The following TMTC4 variants were observed in gnomAD, a reference collection of about 807,000 sequenced individuals.
The protein encoded by TMTC4 is transmembrane O-mannosyltransferase targeting cadherins 4.
In TMTC4, 65 loss-of-function variants were observed where a neutral mutation model predicts 86.0. That is an observed-to-expected ratio of 0.76 (90% CI 0.62 to 0.93). The LOEUF is 0.93. Ranked by LOEUF, TMTC4 falls within the 40% of genes least tolerant of loss-of-function variation. TMTC4 has a pLI of 0.00. For synonymous variants in TMTC4, 379 were observed against 382.5 expected (o/e 0.99, Z 0.11); for missense variants, 866 against 948.1 (o/e 0.91, Z 1.14).
At chr13:100,653,876 G>C (rs1254047238) in intron 6 of TMTC4, among the ~76,000 whole-genome samples, 1 of 152,196 alleles carries the variant, frequency 6.6e-6, no homozygotes. Context: ...ATCAGTTTCA[G>C]GGTCAAGACA....
rs377347768 is a variant in TMTC4, at chr13:100,663,146, C to T, written c.370G>A (p.Val124Met). ...NYYLSGGFHP[V>M]GFHVVNILLH... ...AGGATGTTGACCACGTGAAAGCCCA[C>T]GGGGTGGAAGCCTCCCGAGAGGTAG... The change falls in exon 5 of 19, where the codon GTG becomes ATG. Residue 124 changes from valine to methionine, a missense_variant. By Grantham distance (21) the Val-to-Met change is conservative. Coordinates refer to ENST00000342624, the MANE Select transcript of TMTC4 (RefSeq NM_032813.5). 2.7e-5 allele frequency: 43 copies of T among 1,614,138 alleles called. No homozygotes were observed. In the East Asian group the frequency reaches 3.3e-4, roughly 13 times the overall value.
At chr13:100,629,438 GA>G (rs1240101502) in intron 12 of TMTC4, among the ~76,000 whole-genome samples, 3 of 152,140 alleles carry the variant, frequency 2.0e-5, no homozygotes, top group Non-Finnish European at 2.9e-5. Flanking sequence ...TGGCTGCTGT[GA>G]CCCTCTCTTC....
At chr13:100,643,144 C>G (rs533998501) in intron 6 of TMTC4, among the ~76,000 whole-genome samples, 57 of 152,310 alleles carry the variant, frequency 3.7e-4, no homozygotes, top group African/African-American at 1.3e-3. Context: ...GAGAGGGAAG[C>G]TGCATGGATA....
At chr13:100,673,855 G>A (rs111823193) in intron 1 of TMTC4, among the ~76,000 whole-genome samples, 4 of 152,270 alleles carry the variant, frequency 2.6e-5, no homozygotes, top group African/African-American at 7.2e-5. Flanking sequence ...GGACTGCAGA[G>A]AAAAGGGACA....
intron 6 of TMTC4, among the ~76,000 whole-genome samples, chr13:100,644,098 CTTTTTTT>C (rs35254351): frequency 7.6e-6 from 1 of 132,274 alleles, no homozygotes; most frequent in Non-Finnish European, 1.6e-5. Flanking sequence ...GGGAGGCGCT[CTTTTTTT>C]TTTTTTTTTT....
intron 5 of TMTC4, 137 bp downstream of exon 5, chr13:100,662,827 T>A: frequency 1.2e-6 from 1 of 813,576 alleles, no homozygotes; most frequent in Non-Finnish European, 2.0e-6. Flanking sequence ...TTCTAGAGTA[T>A]GTTGTGGAGT....
chr13:100,614,339 ATGT>A lies in TMTC4; in HGVS notation c.1925_1927del (p.Asn642del), dbSNP rs772239129. 5 of 1,613,858 alleles carry A rather than the reference ATGT, an allele frequency of 3.1e-6. No homozygotes were observed. The East Asian group carries it at 1.1e-4, about 36-fold the overall frequency. On this transcript the variant is annotated inframe_deletion, in exon 16 of 19. Transcript: ENST00000342624. ...ACCTGTATTGTCGAGGAGTATAATC[ATGT>A]TGTTCCAGGCCAGGCTGTGCTCTGG...
intron 6 of TMTC4, among the ~76,000 whole-genome samples, chr13:100,646,049 G>C (rs1883694054): frequency 1.3e-5 from 2 of 152,162 alleles, no homozygotes; most frequent in African/African-American, 4.8e-5. Context: ...TCACGGGTGT[G>C]TGGTCCATGA....
chr13:100,675,054 A>G (rs1887696625), upstream of TMTC4: 3 of 985,648 alleles, frequency 3.0e-6, no homozygotes, highest in African/African-American at 3.5e-5. Flanking sequence ...AAGGAGGCGC[A>G]GGGACAGACG....
At chr13:100,674,829 G>A (rs1363954250), upstream of TMTC4, 17 of 975,332 alleles carry the variant, frequency 1.7e-5, no homozygotes, top group South Asian at 7.6e-4. Context: ...ACCTGGCAGG[G>A]GGAGGGGCCG....
At position 100,637,588 on chromosome 13, in the gene TMTC4, A is replaced by C. The variant is rs1444589451; in HGVS notation, c.949T>G (p.Phe317Val). The C allele has an allele frequency of 6.2e-7, 1 of 1,614,160 alleles. No individual in the cohort carries two copies. Among genetic ancestry groups the C allele is most frequent in the Non-Finnish European group, 8.5e-7 (1 of 1,180,036 alleles). Residue 317 changes from phenylalanine to valine, a missense_variant, in exon 9 of 19, where the codon TTC (phenylalanine) becomes GTC (valine). Phe to Val is a conservative substitution (Grantham distance 50, BLOSUM62 -1). Coordinates refer to ENST00000342624, the MANE Select transcript of TMTC4 (RefSeq NM_032813.5). ...WRIMGTGPPA[F>V]TEVDNPASFA... Reference sequence around the variant, plus strand: ...GAGGCCGGGTTGTCCACCTCGGTGAAGGCCGGCGGGCCCGTGCCCATGATC... The same window carrying C: ...GAGGCCGGGTTGTCCACCTCGGTGACGGCCGGCGGGCCCGTGCCCATGATC...
chr13:100,623,642 TTTG>T lies in TMTC4; in HGVS notation c.1836+1890_1836+1892del, dbSNP rs1256153603. Among the ~76,000 whole-genome samples the T allele has an allele frequency of 1.6e-4, 20 of 124,588 alleles. 5 individuals are homozygous for T. Among genetic ancestry groups the T allele is most frequent in the East Asian group, 6.7e-4 (3 of 4,486 alleles). 81.7% of individuals were successfully genotyped at this position (124,588 alleles called of 152,430 possible). On this transcript the variant is annotated intron_variant, in intron 15 of 18. Coordinates refer to ENST00000342624, the MANE Select transcript of TMTC4 (RefSeq NM_032813.5). ...CAGTTTTGGAAACTACTAGTTGGGT[TTTG>T]TTTTTTTTTTTTTTTTTTTTTGCAG...
chr13:100,605,048 C>A lies in TMTC4; in HGVS notation c.2229G>T (p.Glu743Asp), dbSNP rs879790743. 6.2e-7 allele frequency: 1 copy of A among 1,614,074 alleles called. No homozygotes were observed. The highest frequency in any genetic ancestry group is 8.5e-7 in the Non-Finnish European group (1 of 1,179,984). Residue 743 changes from glutamate (E) to aspartate (D), a missense_variant, in exon 19 of 19, where the codon GAG (glutamate) becomes GAT (aspartate). Coordinates refer to ENST00000342624, the MANE Select transcript of TMTC4 (RefSeq NM_032813.5). This position sits in a 1 kb window ranked among gnomAD's most constrained non-coding sequence, Gnocchi z 4.3. ...GCTTTCTTCTCAGCAGACCGTAATT[C>A]TCCTTAGTTCCTGATGCCGTGGGGT... ...QLDPTASGTKENYGLLRRKLE... is the reference protein window; with the variant it reads ...QLDPTASGTKDNYGLLRRKLE...
rs189913692 is a variant in TMTC4, at chr13:100,625,933, A to T, written c.1587-41T>A. ...AAACCAAGCTGACCATTAAATGCTC[A>T]ATAGTAAGTTTTTACTAAACTCTCA... On this transcript the variant is annotated intron_variant, in intron 13 of 18. Coordinates refer to ENST00000342624, the MANE Select transcript of TMTC4 (RefSeq NM_032813.5). 218 of 1,602,620 alleles carry T rather than the reference A, an allele frequency of 1.4e-4. No homozygotes were observed. In the African/African-American group the frequency reaches 2.6e-3, roughly 19 times the overall value.
Position 100,605,223 on chromosome 13 carries a change from T to C in TMTC4, c.2135-81A>G. Reference sequence around the variant, plus strand: ...TCCTACCCTCTTGGACAAAGAAATATTACAGATCCTATGCAAACAGTTTTC... The same window carrying C: ...TCCTACCCTCTTGGACAAAGAAATACTACAGATCCTATGCAAACAGTTTTC... On this transcript the variant is annotated intron_variant, in intron 18 of 18. Coordinates refer to ENST00000342624, the MANE Select transcript of TMTC4 (RefSeq NM_032813.5). This position sits in a 1 kb window ranked among gnomAD's most constrained non-coding sequence, Gnocchi z 4.3. The C allele has an allele frequency of 6.8e-7, 1 of 1,468,130 alleles. No homozygotes were observed. Among genetic ancestry groups the C allele is most frequent in the African/African-American group, 1.4e-5 (1 of 70,378 alleles). The allele number at this position is 1,468,130 out of a possible 1,614,324, so 90.9% of individuals were successfully genotyped here.
intron 6 of TMTC4, among the ~76,000 whole-genome samples, chr13:100,651,980 G>T (rs904606056): frequency 6.6e-6 from 1 of 152,152 alleles, no homozygotes; most frequent in Non-Finnish European, 1.5e-5. Context: ...TCACTGCAGT[G>T]ACAATAAATA....
chr13:100,654,076 G>A (rs1459364941), intron 6 of TMTC4, among the ~76,000 whole-genome samples: 3 of 152,146 alleles, frequency 2.0e-5, no homozygotes, highest in Non-Finnish European at 1.5e-5. Context: ...CACGAAGACG[G>A]GGCAGCTTGT....
At chr13:100,623,491 C>G (rs1879870153) in intron 15 of TMTC4, among the ~76,000 whole-genome samples, 1 of 152,170 alleles carries the variant, frequency 6.6e-6, no homozygotes, top group Non-Finnish European at 1.5e-5. Flanking sequence ...CCTTGGCCTC[C>G]CAAAGTGCCG....
intron 1 of TMTC4, 96 bp from the exon 2 acceptor site, chr13:100,670,665 A>C: frequency 6.0e-6 from 2 of 334,568 alleles, no homozygotes. Context: ...ACAACAAATC[A>C]AGGCTGGTTG....
Sources: gnomAD v4.1 joint callset for allele counts (sites outside exome capture counted in the v4.1 genomes callset) on GRCh38, gnomAD v4.1.1 for gene constraint, Gnocchi (gnomAD v3.1) non-coding constraint, MANE v1.5 for transcripts, NCBI Gene and HGNC (gene_info 2026-07-23, HGNC 2026-07-21) for gene names.